SGCZ: variants seen among roughly 807,000 people sequenced by gnomAD.
SGCZ encodes the protein zeta-sarcoglycan.
SGCZ carries 40 observed loss-of-function variants against 41.3 expected under a neutral mutation model. That is an observed-to-expected ratio of 0.97 (90% CI 0.75 to 1.26). SGCZ has a LOEUF of 1.26. SGCZ is among the 50% of genes most tolerant of loss of function. The pLI is 0.00. For synonymous variants in SGCZ, 206 were observed against 137.5 expected, an observed-to-expected ratio of 1.50 and a Z score of -3.49; for missense variants, 552 against 369.8, an observed-to-expected ratio of 1.49 and a Z score of -4.04.
intron 1 of SGCZ, among the ~76,000 whole-genome samples, chr8:14,676,309 A>C (rs1435284794): frequency 6.7e-6 from 1 of 148,518 alleles, no homozygotes; most frequent in Non-Finnish European, 1.5e-5. Flanking sequence ...CAGCCTGAAC[A>C]GCATAGAGAG....
At chr8:14,996,446 G>T (rs76364933) in intron 1 of SGCZ, among the ~76,000 whole-genome samples, 3,347 of 152,164 alleles carry the variant, frequency 0.022, 143 homozygotes, top group African/African-American at 0.076. Flanking sequence ...CTGTCCCCCA[G>T]GCTGGAGTGT....
chr8:14,248,444 T>C (rs1000364116), intron 3 of SGCZ, among the ~76,000 whole-genome samples: 1 of 152,154 alleles, frequency 6.6e-6, no homozygotes, highest in South Asian at 2.1e-4. Flanking sequence ...TATATGAGTA[T>C]CATGAATGAT....
At chr8:14,949,190 T>A (rs959247160) in intron 1 of SGCZ, among the ~76,000 whole-genome samples, 2 of 152,144 alleles carry the variant, frequency 1.3e-5, no homozygotes, top group African/African-American at 4.8e-5. Context: ...GGAAGCTGTG[T>A]TTTCACATTT....
intron 1 of SGCZ, among the ~76,000 whole-genome samples, chr8:14,837,990 T>G (rs1359113694): frequency 6.6e-6 from 1 of 152,142 alleles, no homozygotes; most frequent in East Asian, 1.9e-4. Flanking sequence ...ATATACACAA[T>G]GTAATATTAT....
chr8:14,102,096 A>ATATAATTTTTT (rs1802044259), intron 7 of SGCZ, among the ~76,000 whole-genome samples: 1 of 107,256 alleles, frequency 9.3e-6, no homozygotes, highest in Non-Finnish European at 1.8e-5. Flanking sequence ...ATATATATAT[A>ATATAATTTTTT]TATATATAAT....
At position 14,324,168 on chromosome 8, in the gene SGCZ, T is replaced by G. The variant is rs1055806658; in HGVS notation, c.271A>C (p.Ile91Leu). ...AACTCAGATATACCTTCAAGTCGGA[T>G]TCCCTTCTTGGTGACTCTCAGATTT... ...MGNLRVTKKG[I>L]RLEGISEFLL... Residue 91 changes from isoleucine (I) to leucine (L), a missense_variant, in exon 3 of 8, where the codon ATC (isoleucine) becomes CTC (leucine). Physicochemically the swap from Ile to Leu is conservative, Grantham distance 5 (BLOSUM62 2). Coordinates refer to ENST00000382080, the MANE Select transcript of SGCZ (RefSeq NM_139167.4). The G allele has an allele frequency of 6.2e-7, 1 of 1,613,012 alleles. No individual in the cohort carries two copies. The highest frequency in any genetic ancestry group is 8.5e-7 in the Non-Finnish European group (1 of 1,179,480).
chr8:15,148,586 T>C (rs993582828), intron 1 of SGCZ, among the ~76,000 whole-genome samples: 2 of 152,328 alleles, frequency 1.3e-5, no homozygotes, highest in Admixed American at 6.5e-5. Flanking sequence ...CCATCAATTA[T>C]TTTTGCTTGA....
intron 2 of SGCZ, among the ~76,000 whole-genome samples, chr8:14,538,441 C>A (rs113204163): frequency 6.6e-6 from 1 of 151,826 alleles, no homozygotes; most frequent in Non-Finnish European, 1.5e-5. Flanking sequence ...ATTCTAGATG[C>A]CATGGGTGAA....
chr8:14,102,104 A>ATATAT (rs58555468), intron 7 of SGCZ, among the ~76,000 whole-genome samples: 5 of 76,308 alleles, frequency 6.6e-5, no homozygotes, highest in African/African-American at 3.1e-4. Context: ...ATATATATAT[A>ATATAT]ATTTTTTTTT....
intron 2 of SGCZ, among the ~76,000 whole-genome samples, chr8:14,397,270 G>A (rs941525544): frequency 6.6e-6 from 1 of 151,994 alleles, no homozygotes; most frequent in African/African-American, 2.4e-5. Flanking sequence ...TAAAAGTTAA[G>A]GATGTTCGAA....
chr8:14,679,066 T>C (rs1334064092), intron 1 of SGCZ, among the ~76,000 whole-genome samples: 1 of 152,110 alleles, frequency 6.6e-6, no homozygotes, highest in Non-Finnish European at 1.5e-5. Flanking sequence ...AGTGATGTCA[T>C]ACTGTCGTAA....
chr8:14,390,983 G>C (rs1450083096), intron 2 of SGCZ, among the ~76,000 whole-genome samples: 1 of 152,008 alleles, frequency 6.6e-6, no homozygotes, highest in Non-Finnish European at 1.5e-5. Flanking sequence ...CAATGAAAAA[G>C]CATAGCAAAT....
intron 1 of SGCZ, among the ~76,000 whole-genome samples, chr8:14,937,907 A>G (rs1331367268): frequency 1.3e-5 from 2 of 152,166 alleles, no homozygotes; most frequent in African/African-American, 4.8e-5. Flanking sequence ...AAGTAATATA[A>G]GACATTGGAT....
intron 2 of SGCZ, among the ~76,000 whole-genome samples, chr8:14,474,973 C>T (rs1186914432): frequency 6.6e-6 from 1 of 152,078 alleles, no homozygotes; most frequent in South Asian, 2.1e-4. Flanking sequence ...GTACTGAATG[C>T]CAGAAGAATT....
At position 14,780,244 on chromosome 8, in the gene SGCZ, G is replaced by A. The variant is rs184952964; in HGVS notation, c.40-225318C>T. 6.6e-5 allele frequency among the ~76,000 whole-genome samples: 10 copies of A among 151,790 alleles called. No homozygotes were observed. The East Asian group carries it at 1.4e-3, about 21-fold the overall frequency. Reference sequence around the variant, plus strand: ...AAAAAAATTAGCCTGGTGTGGTGGCGGGCACCTGTAGTCCCAGCTACTCGG... The same window carrying A: ...AAAAAAATTAGCCTGGTGTGGTGGCAGGCACCTGTAGTCCCAGCTACTCGG... On this transcript the variant is annotated intron_variant, in intron 1 of 7. Coordinates refer to ENST00000382080, the MANE Select transcript of SGCZ (RefSeq NM_139167.4).
chr8:14,233,664 T>G (rs889816945), intron 4 of SGCZ, among the ~76,000 whole-genome samples: 2 of 150,096 alleles, frequency 1.3e-5, no homozygotes, highest in African/African-American at 4.9e-5. Flanking sequence ...AGATGGTGCA[T>G]AATTTACATC....
At chr8:14,958,836 G>T (rs73519016) in intron 1 of SGCZ, among the ~76,000 whole-genome samples, 1 of 152,054 alleles carries the variant, frequency 6.6e-6, no homozygotes, top group South Asian at 2.1e-4. Context: ...TATAAAGGTT[G>T]AATGACAGAG....
intron 1 of SGCZ, among the ~76,000 whole-genome samples, chr8:14,611,567 T>C (rs11203643): frequency 0.34 from 51,842 of 151,996 alleles, 9,096 homozygotes; most frequent in East Asian, 0.62. Context: ...TAGAGTGATT[T>C]ATTTTGTCCT....
chr8:14,681,283 T>C (rs1314650724), intron 1 of SGCZ, among the ~76,000 whole-genome samples: 1 of 152,102 alleles, frequency 6.6e-6, no homozygotes, highest in Non-Finnish European at 1.5e-5. Flanking sequence ...TTACTGTAGA[T>C]GTATAATCAG....
Sources: allele counts gnomAD v4.1 joint callset (sites outside exome capture counted in the v4.1 genomes callset), GRCh38; gene constraint gnomAD v4.1.1; transcripts MANE v1.5; gene names NCBI Gene and HGNC (gene_info 2026-07-23, HGNC 2026-07-21).